HMGN3: variants seen among roughly 807,000 people sequenced by gnomAD.
The protein encoded by HMGN3 is high mobility group nucleosome-binding domain-containing protein 3.
HMGN3 carries 6 observed loss-of-function variants against 18.8 expected under a neutral mutation model. The observed-to-expected ratio is 0.32, with a 90% CI of 0.18 to 0.63. HMGN3 has a LOEUF of 0.63. HMGN3 is among the 30% of genes least tolerant of loss of function. HMGN3 has a pLI of 0.79. For missense variants in HMGN3, 107 were observed against 114.2 expected, an observed-to-expected ratio of 0.94 and a Z score of 0.29; for synonymous variants, 40 against 36.5, an observed-to-expected ratio of 1.10 and a Z score of -0.35.
intron 3 of HMGN3, among the ~76,000 whole-genome samples, chr6:79,207,585 TGAGTGTGAAAACAGA>T (rs1776482316): frequency 2.6e-5 from 4 of 152,184 alleles, no homozygotes; most frequent in Admixed American, 2.6e-4. Context: ...TTATCAGCAG[TGAGTGTGAAAACAGA>T]CTAATATACT....
intron 3 of HMGN3, among the ~76,000 whole-genome samples, chr6:79,206,930 G>A (rs1445351324): frequency 2.6e-5 from 4 of 152,214 alleles, no homozygotes; most frequent in Non-Finnish European, 5.9e-5. Flanking sequence ...TCATTTTGGA[G>A]CTTTAAGATT....
intron 5 of HMGN3, 48 bp from the exon 7 acceptor site, chr6:79,201,774 C>T: frequency 6.3e-7 from 1 of 1,588,626 alleles, no homozygotes. Context: ...ACTGAAACTA[C>T]TATAAGCAAA....
At chr6:79,211,329 T>A (rs1451996390) in intron 2 of HMGN3, among the ~76,000 whole-genome samples, 3 of 152,182 alleles carry the variant, frequency 2.0e-5, no homozygotes, top group African/African-American at 7.2e-5. Flanking sequence ...ATTATTGGAC[T>A]ATATTTATTG....
chr6:79,201,365 T>C (rs1776123836), exon 6 of HMGN3: 3 of 262,956 alleles, frequency 1.1e-5, no homozygotes, highest in African/African-American at 2.2e-5. Context: ...ATTATTGCTC[T>C]AGAAAAACTG....
intron 1 of HMGN3, 124 bp downstream of exon 1, chr6:79,234,422 G>A (rs1778040186): frequency 1.2e-6 from 1 of 860,722 alleles, no homozygotes; most frequent in Non-Finnish European, 1.9e-6. Flanking sequence ...AACAAGCGTG[G>A]AGGAGCAAAG....
intron 3 of HMGN3, among the ~76,000 whole-genome samples, chr6:79,205,904 G>C (rs1776401076): frequency 6.6e-6 from 1 of 152,172 alleles, no homozygotes; most frequent in African/African-American, 2.4e-5. Flanking sequence ...ATAGAGATGA[G>C]GAACTTGTTA....
chr6:79,229,240 C>G (rs940069167), intron 1 of HMGN3, among the ~76,000 whole-genome samples: 9 of 151,982 alleles, frequency 5.9e-5, no homozygotes, highest in African/African-American at 2.2e-4. Context: ...TCAAAAGACA[C>G]CATTAAGAAA....
chr6:79,201,594 TA>T, exon 6 of HMGN3: 1 of 893,236 alleles, frequency 1.1e-6, no homozygotes. Context: ...AGTAGAGTCC[TA>T]AAAAATTAGC....
At chr6:79,203,737 C>A in intron 3 of HMGN3, 107 bp from the exon 4 acceptor site, 1 of 842,712 alleles carries the variant, frequency 1.2e-6, no homozygotes. Context: ...TTTGACATGG[C>A]TTTGGTCATT....
intron 1 of HMGN3, among the ~76,000 whole-genome samples, chr6:79,215,390 T>G (rs961773599): frequency 5.3e-5 from 8 of 152,220 alleles, no homozygotes; most frequent in Non-Finnish European, 8.8e-5. Flanking sequence ...ATTTGCTTGT[T>G]CCAGTCACTC....
chr6:79,202,064 C>A (rs1422840922), intron 5 of HMGN3: 6 of 1,537,072 alleles, frequency 3.9e-6, no homozygotes, highest in Admixed American at 2.0e-5. Context: ...ACCCTTAACT[C>A]TCACTGTTTC....
exon 3 of HMGN3, chr6:79,208,548 G>T: frequency 1.2e-6 from 2 of 1,608,900 alleles, no homozygotes; most frequent in Middle Eastern, 1.7e-4. Flanking sequence ...GGTACTTACC[G>T]CTGACAATCT....
chr6:79,215,884 T>C (rs1300122350), intron 1 of HMGN3, among the ~76,000 whole-genome samples: 1 of 152,204 alleles, frequency 6.6e-6, no homozygotes, highest in East Asian at 1.9e-4. Context: ...TACATAAAGT[T>C]AGAAAGTGAA....
intron 1 of HMGN3, among the ~76,000 whole-genome samples, chr6:79,226,200 T>G (rs1468923064): frequency 1.3e-5 from 2 of 152,188 alleles, no homozygotes; most frequent in East Asian, 1.9e-4. Context: ...AATCCCAATA[T>G]TTTCCTCTGT....
In HMGN3 at chr6:79,234,623, G is replaced by C. The variant is rs1484282630; in HGVS notation, c.-63C>G. Reference sequence around the variant, plus strand: ...ACTGGAACTGCTGGCGCCGCCGCTGGATGCTGCCTCTGCCTCTGCAGCTGC... The same window carrying C: ...ACTGGAACTGCTGGCGCCGCCGCTGCATGCTGCCTCTGCCTCTGCAGCTGC... On this transcript the variant is annotated 5_prime_UTR_variant, in exon 1 of 6. The change creates a new upstream start codon in the 5' untranslated region. Coordinates refer to ENST00000344726, the Ensembl canonical transcript of HMGN3. 1.3e-6 allele frequency: 2 copies of C among 1,557,848 alleles called. No individual in the cohort carries two copies. The highest frequency in any genetic ancestry group is 1.8e-6 in the Non-Finnish European group (2 of 1,131,080).
chr6:79,201,801 A>AAC, intron 5 of HMGN3, 75 bp from the exon 7 acceptor site: 1 of 1,564,142 alleles, frequency 6.4e-7, no homozygotes. Flanking sequence ...TCCACCCACC[A>AAC]ACACACACAG....
At chr6:79,206,209 T>C (rs951360355) in intron 3 of HMGN3, among the ~76,000 whole-genome samples, 12 of 152,174 alleles carry the variant, frequency 7.9e-5, no homozygotes, top group Admixed American at 4.6e-4. Context: ...CTGCAGAAAT[T>C]TGCATGAGTA....
At chr6:79,204,833 C>T (rs1776333618) in intron 3 of HMGN3, among the ~76,000 whole-genome samples, 1 of 152,156 alleles carries the variant, frequency 6.6e-6, no homozygotes, top group Non-Finnish European at 1.5e-5. Flanking sequence ...TTCTTATCAC[C>T]CTAAATCTGC....
At position 79,226,170 on chromosome 6, in the gene HMGN3, G is replaced by A. The variant is rs913186625; in HGVS notation, c.15+8376C>T. ...CACTTCCTAGCTGTGTGACCCAGAG[G>A]AAATTTGTTAATCTCACTAAATCCC... is the stretch of plus-strand genomic sequence containing the variant. On this transcript the variant is annotated intron_variant, in intron 1 of 5. Transcript: ENST00000344726. Among the ~76,000 whole-genome samples the A allele has an allele frequency of 8.9e-4, 136 of 152,308 alleles. 3 individuals are homozygous for A. The highest frequency in any genetic ancestry group is 8.8e-5 in the Non-Finnish European group (6 of 68,024).
Sources: allele counts gnomAD v4.1 joint callset (sites outside exome capture counted in the v4.1 genomes callset), GRCh38; gene constraint gnomAD v4.1.1; transcripts MANE v1.5; gene names NCBI Gene and HGNC (gene_info 2026-07-23, HGNC 2026-07-21).